Variants in ADAMTSL1 observed in about 807,000 individuals in gnomAD.
ADAMTSL1 encodes ADAMTS-like protein 1.
Under a neutral mutation model 201.8 loss-of-function variants are expected in ADAMTSL1, and 126 were observed. The observed-to-expected ratio is 0.62, with a 90% CI of 0.54 to 0.72. ADAMTSL1 has a LOEUF of 0.72. Among genes scored for constraint, ADAMTSL1 ranks in the 30% least tolerant of loss-of-function variants. The pLI, the probability that ADAMTSL1 is intolerant of heterozygous loss-of-function variation, is 0.00. For synonymous variants in ADAMTSL1, 1,121 were observed against 903.4 expected (o/e 1.24, Z -4.32); for missense variants, 2,679 against 2,277.8 (o/e 1.18, Z -3.59).
intron 1 of ADAMTSL1, among the ~76,000 whole-genome samples, chr9:18,025,601 A>G (rs1440513187): frequency 6.6e-6 from 1 of 151,946 alleles, no homozygotes; most frequent in Non-Finnish European, 1.5e-5. Flanking sequence ...ATTCTGTTCC[A>G]TTGGTCTATG....
At chr9:18,069,645 T>G (rs767155178) in intron 1 of ADAMTSL1, among the ~76,000 whole-genome samples, 6 of 152,244 alleles carry the variant, frequency 3.9e-5, no homozygotes, top group Non-Finnish European at 5.9e-5. Context: ...ATTCTTTAGC[T>G]GCTGAAGTGT....
rs867569693 is a variant in ADAMTSL1 at position 18,002,371 on chromosome 9, G to T, written c.87+95449G>T. The stretch of plus-strand genomic sequence containing the variant: ...ATTGCTAGGTGACCTTATACTCTGA[G>T]CCTCAGTTTCCTCATCTGTAGAATG... On this transcript the variant is annotated intron_variant, in intron 1 of 29. Coordinates refer to the ADAMTSL1 transcript ENST00000680146. Among the ~76,000 whole-genome samples, 6 of 152,102 alleles carry T rather than the reference G, an allele frequency of 3.9e-5. No individual in the cohort carries two copies. The South Asian group carries it at 1.2e-3, about 32-fold the overall frequency.
At chr9:18,549,976 C>T (rs1305254134) in intron 3 of ADAMTSL1, among the ~76,000 whole-genome samples, 1 of 151,974 alleles carries the variant, frequency 6.6e-6, no homozygotes. Context: ...GGCTGAGAAG[C>T]TCTGTTCTAT....
Position 18,806,196 on chromosome 9 carries a change from A to C in ADAMTSL1, c.3805+10672A>C, listed in dbSNP as rs73644675. 5.7e-3 allele frequency among the ~76,000 whole-genome samples: 861 copies of C among 152,340 alleles called. 9 individuals carry two copies. Among genetic ancestry groups the C allele is most frequent in the African/African-American group, 0.02 (815 of 41,568 alleles). On this transcript the variant is annotated intron_variant, in intron 20 of 28. Transcript: ENST00000380548. ...CTTACTAACTGTTACAGAAAAACAA[A>C]CCTATAAATATATGATGGGTAAAAT... is the stretch of plus-strand genomic sequence containing the variant.
At chr9:18,442,600 T>C (rs1352902599) in intron 2 of ADAMTSL1, among the ~76,000 whole-genome samples, 1 of 152,204 alleles carries the variant, frequency 6.6e-6, no homozygotes, top group Non-Finnish European at 1.5e-5. Flanking sequence ...ATTTATTGAG[T>C]CTCTCAAATG....
intron 2 of ADAMTSL1, among the ~76,000 whole-genome samples, chr9:18,223,312 A>G (rs1277174283): frequency 6.6e-6 from 1 of 152,122 alleles, no homozygotes; most frequent in Non-Finnish European, 1.5e-5. Context: ...GAATAATGCA[A>G]TTATTCTAAA....
At chr9:18,675,942 C>T (rs747621175) in intron 10 of ADAMTSL1, 35 bp downstream of exon 10, 7 of 1,574,298 alleles carry the variant, frequency 4.4e-6, no homozygotes, top group African/African-American at 4.1e-5. Flanking sequence ...TTAGAATTAG[C>T]AAATTAGTCT....
Position 18,427,567 on chromosome 9 carries a change from G to C in ADAMTSL1, c.208-77262G>C, listed in dbSNP as rs79853993. The stretch of plus-strand genomic sequence containing the variant: ...TAATCATTTTCTGCAACTTGTCTAA[G>C]AAATCTGCTTCTTTTAGTGCAATTC... On this transcript the variant is annotated intron_variant, in intron 2 of 29. Coordinates refer to the ADAMTSL1 transcript ENST00000680146. Among the ~76,000 whole-genome samples, 1,354 of 152,304 alleles carry C rather than the reference G, an allele frequency of 8.9e-3. 20 individuals carry two copies. Among genetic ancestry groups the C allele is most frequent in the African/African-American group, 0.031 (1,290 of 41,576 alleles).
At chr9:18,356,704 A>T (rs1836259144) in intron 2 of ADAMTSL1, among the ~76,000 whole-genome samples, 1 of 151,952 alleles carries the variant, frequency 6.6e-6, no homozygotes, top group African/African-American at 2.4e-5. Context: ...ATTGACATAT[A>T]ACCAAAGTCA....
At chr9:18,502,341 C>T (rs1014892907) in intron 1 of ADAMTSL1, among the ~76,000 whole-genome samples, 1 of 152,188 alleles carries the variant, frequency 6.6e-6, no homozygotes, top group African/African-American at 2.4e-5. Flanking sequence ...ATATATTTGT[C>T]ACTTAAATAG....
rs76648216 is a variant in ADAMTSL1, at chr9:18,906,987, G to A, written c.5182+75G>A. The A allele has an allele frequency of 3.6e-4, 558 of 1,540,578 alleles. 3 individuals carry two copies. In the East Asian group the frequency reaches 7.4e-3, roughly 21 times the overall value. ...AGTGCAGAGAGCAGTCCCTGGGACC[G>A]ACCCTGAGCATAGGGCATGGGGTCA... is the stretch of plus-strand genomic sequence containing the variant. On this transcript the variant is annotated intron_variant, in intron 28 of 28. Transcript: ENST00000380548.
At position 18,652,747 on chromosome 9, in the gene ADAMTSL1, A is replaced by C. The variant is rs568832131; in HGVS notation, c.835-4892A>C. On this transcript the variant is annotated intron_variant, in intron 7 of 28. Coordinates refer to ENST00000380548, the MANE Select transcript of ADAMTSL1 (RefSeq NM_001040272.6). Reference sequence around the variant, plus strand: ...TTTCAACTTACAATATTTTCAACTTAAGATGGGTTTATCAGGATATAACCC... The same window carrying C: ...TTTCAACTTACAATATTTTCAACTTCAGATGGGTTTATCAGGATATAACCC... 3.9e-5 allele frequency among the ~76,000 whole-genome samples: 6 copies of C among 152,304 alleles called. No homozygotes were observed. In the South Asian group the frequency reaches 8.3e-4, roughly 21 times the overall value.
At chr9:18,782,565 C>T (rs982814171) in intron 19 of ADAMTSL1, among the ~76,000 whole-genome samples, 3 of 152,114 alleles carry the variant, frequency 2.0e-5, no homozygotes, top group Non-Finnish European at 2.9e-5. Flanking sequence ...CGGCACCAAA[C>T]GTACTAAATA....
At chr9:18,372,681 G>A (rs1158869511) in intron 2 of ADAMTSL1, among the ~76,000 whole-genome samples, 1 of 152,056 alleles carries the variant, frequency 6.6e-6, no homozygotes, top group Admixed American at 6.5e-5. Context: ...CTATCATCAG[G>A]GTCTTTTGGT....
chr9:17,935,741 C>T (rs779253221), intron 1 of ADAMTSL1, among the ~76,000 whole-genome samples: 6 of 152,102 alleles, frequency 3.9e-5, no homozygotes, highest in Non-Finnish European at 5.9e-5. Context: ...GCAGATGGAC[C>T]ATCTTGATTC....
At chr9:18,662,127 G>A (rs941527676) in intron 9 of ADAMTSL1, 54 bp downstream of exon 9, 1 of 1,563,076 alleles carries the variant, frequency 6.4e-7, no homozygotes, top group Non-Finnish European at 8.6e-7. Flanking sequence ...GTTCCAAATA[G>A]GTTATTTAAA....
intron 2 of ADAMTSL1, among the ~76,000 whole-genome samples, chr9:18,205,828 T>C (rs1167891804): frequency 1.3e-5 from 2 of 151,494 alleles, no homozygotes; most frequent in Non-Finnish European, 2.9e-5. Context: ...CTGAGGTGAG[T>C]GGATCACCTG....
At chr9:18,081,472 G>A (rs1823497222) in intron 1 of ADAMTSL1, among the ~76,000 whole-genome samples, 1 of 151,894 alleles carries the variant, frequency 6.6e-6, no homozygotes, top group Admixed American at 6.6e-5. Context: ...ACATACAAGA[G>A]TACTCAGTAG....
intron 26 of ADAMTSL1, among the ~76,000 whole-genome samples, chr9:18,897,357 C>CA (rs1214848665): frequency 3.9e-5 from 6 of 152,070 alleles, no homozygotes; most frequent in South Asian, 2.1e-4. Context: ...GCTGTTCTAC[C>CA]AAAAAAACAG....
Sources: gnomAD v4.1 joint callset for allele counts (sites outside exome capture counted in the v4.1 genomes callset) on GRCh38, gnomAD v4.1.1 for gene constraint, MANE v1.5 for transcripts, NCBI Gene and HGNC (gene_info 2026-07-23, HGNC 2026-07-21) for gene names.